Variants in USP34 observed in about 807,000 individuals in gnomAD.
The protein encoded by USP34 is ubiquitin carboxyl-terminal hydrolase 34.
Under a neutral mutation model 460.3 loss-of-function variants are expected in USP34, and 70 were observed. The observed-to-expected ratio is 0.15, with a 90% CI of 0.13 to 0.19. USP34 has a LOEUF of 0.19. Among genes scored for constraint, USP34 ranks in the 10% least tolerant of loss-of-function variants. The pLI is 1.00. For synonymous variants in USP34, 1,647 were observed against 1,405.3 expected, an observed-to-expected ratio of 1.17 and a Z score of -3.85; for missense variants, 3,985 against 4,236.2, an observed-to-expected ratio of 0.94 and a Z score of 1.65.
chr2:61,423,719 A>C (rs544916087), intron 1 of USP34, among the ~76,000 whole-genome samples: 2 of 152,298 alleles, frequency 1.3e-5, no homozygotes, highest in African/African-American at 4.8e-5. Flanking sequence ...TGAGGCAGGA[A>C]GACTGCTTGA....
chr2:61,436,160 C>G (rs1694807186), intron 1 of USP34, among the ~76,000 whole-genome samples: 1 of 152,046 alleles, frequency 6.6e-6, no homozygotes, highest in South Asian at 2.1e-4. Flanking sequence ...AAAACCATGT[C>G]TGTACTAAAA....
intron 50 of USP34, among the ~76,000 whole-genome samples, chr2:61,245,551 TTAATA>T (rs1048901227): frequency 2.0e-5 from 3 of 151,876 alleles, no homozygotes; most frequent in Non-Finnish European, 4.4e-5. Context: ...AAAGTTTGCT[TTAATA>T]TAACATGTAA....
chr2:61,441,480 A>C (rs1694961091), intron 1 of USP34, among the ~76,000 whole-genome samples: 1 of 152,084 alleles, frequency 6.6e-6, no homozygotes, highest in African/African-American at 2.4e-5. Flanking sequence ...AGATGTCAGG[A>C]GGCCTCCTCT....
intron 29 of USP34, among the ~76,000 whole-genome samples, chr2:61,299,084 T>A (rs1237672613): frequency 3.3e-5 from 5 of 151,974 alleles, no homozygotes; most frequent in African/African-American, 1.2e-4. Flanking sequence ...CACCTATTAA[T>A]GATTATTCTG....
At chr2:61,461,944 A>G (rs180717773) in intron 1 of USP34, among the ~76,000 whole-genome samples, 140 of 152,276 alleles carry the variant, frequency 9.2e-4, no homozygotes, top group African/African-American at 3.3e-3. Flanking sequence ...AATCTTATAC[A>G]AAAACATGTT....
rs185748718 is a variant in USP34, at chr2:61,406,761, T to C, written c.132-633A>G. Among the ~76,000 whole-genome samples, 177 of 150,562 alleles carry C rather than the reference T, an allele frequency of 1.2e-3. 1 individual carries two copies. Among genetic ancestry groups the C allele is most frequent in the African/African-American group, 2.6e-3 (105 of 40,956 alleles). The stretch of plus-strand genomic sequence containing the variant: ...GGCTCACGCCTGTAATCCCAGCACG[T>C]TGGGAGGCTGAGGCAGGTGGATCAT... On this transcript the variant is annotated intron_variant, in intron 2 of 79. Coordinates refer to ENST00000398571, the MANE Select transcript of USP34 (RefSeq NM_014709.4).
chr2:61,439,703 AAC>A, intron 1 of USP34, among the ~76,000 whole-genome samples: 1 of 152,204 alleles, frequency 6.6e-6, no homozygotes, highest in Non-Finnish European at 1.5e-5. Flanking sequence ...TTTCTAAGAG[AAC>A]AGACTTGCTG....
intron 3 of USP34, among the ~76,000 whole-genome samples, chr2:61,401,537 C>T (rs1446864639): frequency 7.2e-6 from 1 of 139,466 alleles, no homozygotes; most frequent in African/African-American, 2.6e-5. Flanking sequence ...TGTACCTGGC[C>T]CTATTTTTTT....
chr2:61,310,327 T>A (rs1690547334), intron 27 of USP34, among the ~76,000 whole-genome samples: 2 of 152,088 alleles, frequency 1.3e-5, no homozygotes, highest in African/African-American at 4.8e-5. Flanking sequence ...AGCAAAATAA[T>A]GAAAACAATC....
chr2:61,259,036 G>C (rs975526693), intron 44 of USP34, among the ~76,000 whole-genome samples: 1 of 152,148 alleles, frequency 6.6e-6, no homozygotes, highest in African/African-American at 2.4e-5. Flanking sequence ...GAGGCAGGCA[G>C]ATCACTTGAG....
chr2:61,232,192 A>C (rs962930731), intron 58 of USP34, among the ~76,000 whole-genome samples: 4 of 152,190 alleles, frequency 2.6e-5, no homozygotes, highest in African/African-American at 9.6e-5. Flanking sequence ...AGCAGGATCT[A>C]ATAATAAAAG....
chr2:61,445,285 C>T (rs1695078330), intron 1 of USP34, among the ~76,000 whole-genome samples: 1 of 149,230 alleles, frequency 6.7e-6, no homozygotes, highest in Admixed American at 6.7e-5. Context: ...CCTGTAATCC[C>T]AGCACTTTGG....
At position 61,417,736 on chromosome 2, in the gene USP34, TTTC is replaced by T. The variant is rs1387795234; in HGVS notation, c.131+3007_131+3009del. ...ACTAAAATCTTTTTTTTTTTCTTTT[TTTC>T]TTTTCTTTTTTTTTTTTTTTTTAGA... On this transcript the variant is annotated intron_variant, in intron 2 of 79. Transcript: ENST00000398571. Among the ~76,000 whole-genome samples the T allele has an allele frequency of 3.7e-5, 4 of 108,710 alleles. No homozygotes were observed. In the East Asian group the frequency reaches 8.1e-4, roughly 22 times the overall value. The allele number at this position is 108,710 out of a possible 152,430, so 71.3% of individuals were successfully genotyped here.
rs148485117 is a variant in USP34, at chr2:61,364,817, C to T, written c.1251+5504G>A. On this transcript the variant is annotated intron_variant, in intron 10 of 79. Transcript: ENST00000398571. ...GTGGTGCGCACGTCTGTAATCCCAG[C>T]TACTCGGGAGGCTAAGGTAGAAGTA... is the stretch of plus-strand genomic sequence containing the variant. 3.3e-3 allele frequency among the ~76,000 whole-genome samples: 502 copies of T among 152,160 alleles called. 2 individuals are homozygous for T. The highest frequency in any genetic ancestry group is 0.01 in the African/African-American group (433 of 41,506).
At chr2:61,203,800 A>C (rs1687038665) in intron 74 of USP34, among the ~76,000 whole-genome samples, 1 of 152,118 alleles carries the variant, frequency 6.6e-6, no homozygotes, top group Admixed American at 6.5e-5. Flanking sequence ...AATTGGCATT[A>C]TTTTAGAATA....
intron 35 of USP34, 117 bp downstream of exon 35, chr2:61,284,758 T>G: frequency 2.7e-6 from 2 of 738,184 alleles, no homozygotes; most frequent in Non-Finnish European, 4.2e-6. Flanking sequence ...GTATGAGAGA[T>G]TTCATCATAA....
At chr2:61,280,973 T>A in intron 38 of USP34, 117 bp downstream of exon 38, 1 of 1,131,276 alleles carries the variant, frequency 8.8e-7, no homozygotes, top group East Asian at 2.6e-5. Context: ...ATCCTCTTGG[T>A]AAAAAATCAC....
At chr2:61,193,720 G>A (rs543333555) in intron 75 of USP34, among the ~76,000 whole-genome samples, 3 of 152,256 alleles carry the variant, frequency 2.0e-5, no homozygotes, top group South Asian at 4.1e-4. Flanking sequence ...AGGGTCCCCA[G>A]GGCAAGTATA....
intron 78 of USP34, chr2:61,189,294 G>C (rs778917761): frequency 4.5e-6 from 2 of 448,036 alleles, no homozygotes; most frequent in Non-Finnish European, 7.6e-6. Context: ...TTTTTTTTGA[G>C]ATGGAGTCTT....
Sources: allele counts gnomAD v4.1 joint callset (sites outside exome capture counted in the v4.1 genomes callset), GRCh38; gene constraint gnomAD v4.1.1; transcripts MANE v1.5; gene names NCBI Gene and HGNC (gene_info 2026-07-23, HGNC 2026-07-21).